BAZ2B: variants seen among roughly 807,000 people sequenced by gnomAD.
BAZ2B encodes bromodomain adjacent to zinc finger domain 2B, also known as bromodomain adjacent to zinc finger domain protein 2B.
In BAZ2B, 91 loss-of-function variants were observed where a neutral mutation model predicts 246.0. The observed-to-expected ratio is 0.37, with a 90% CI of 0.31 to 0.44. The LOEUF is 0.44. BAZ2B is among the 20% of genes least tolerant of loss of function. The pLI, the probability that BAZ2B is intolerant of heterozygous loss-of-function variation, is 1.00. For synonymous variants in BAZ2B, 855 were observed against 860.0 expected, an observed-to-expected ratio of 0.99 and a Z score of 0.10; for missense variants, 2,332 against 2,533.7, an observed-to-expected ratio of 0.92 and a Z score of 1.71.
chr2:159,472,498 C>G (rs2077934166), intron 3 of BAZ2B, among the ~76,000 whole-genome samples: 1 of 152,164 alleles, frequency 6.6e-6, no homozygotes, highest in African/African-American at 2.4e-5. Flanking sequence ...CCTGATGGCC[C>G]TGGCCAGAAC....
At chr2:159,644,495 G>A in the BAZ2B span, among the ~76,000 whole-genome samples, 1 of 152,188 alleles carries the variant, frequency 6.6e-6, no homozygotes, top group Non-Finnish European at 1.5e-5. Context: ...CTAAGAAGCT[G>A]TCTTGCCCCT....
Position 159,382,612 on chromosome 2 carries a change from C to T in BAZ2B, c.3952G>A (p.Glu1318Lys). The T allele has an allele frequency of 1.3e-6, 2 of 1,561,000 alleles. No individual in the cohort carries two copies. The highest frequency in any genetic ancestry group is 1.7e-6 in the Non-Finnish European group (2 of 1,150,402). The change falls in exon 25 of 37, where the codon GAA (glutamate) becomes AAA (lysine). Residue 1318 changes from glutamate to lysine, a missense_variant. This residue lies in a region of BAZ2B where 676 missense variants were observed against 668.6 expected (regional missense o/e 1.01). Transcript: ENST00000392783. The part of the protein sequence containing the change: ...DDQGDEDDED[E>K]EDKEDKKGKK... Reference sequence around the variant, plus strand: ...CCTTTTTTGTCTTCTTTATCTTCTTCATCCTCATCATCTTCATCCCCTTGG... The same window carrying T: ...CCTTTTTTGTCTTCTTTATCTTCTTTATCCTCATCATCTTCATCCCCTTGG...
chr2:159,702,546 T>A, the BAZ2B span, among the ~76,000 whole-genome samples: 1 of 152,212 alleles, frequency 6.6e-6, no homozygotes, highest in Non-Finnish European at 1.5e-5. Context: ...CTAATTTGTA[T>A]TATTATCAGT....
rs78102892 is a variant in BAZ2B, at chr2:159,593,421, C to T, written c.-46+22821G>A. 4.6e-3 allele frequency among the ~76,000 whole-genome samples: 695 copies of T among 152,282 alleles called. 4 individuals are homozygous for T. The highest frequency in any genetic ancestry group is 0.015 in the African/African-American group (642 of 41,552). On this transcript the variant is annotated intron_variant, in intron 1 of 36. Coordinates refer to ENST00000392783, the MANE Select transcript of BAZ2B (RefSeq NM_013450.4). ...TTATGTCCTATCTAGGGCATCATAC[C>T]AAGTTATCTGTCCCTTTCACTATCC...
the BAZ2B span, among the ~76,000 whole-genome samples, chr2:159,679,905 A>C: frequency 1.3e-5 from 2 of 152,258 alleles, no homozygotes; most frequent in Admixed American, 6.5e-5. Flanking sequence ...CTCAATGCTC[A>C]ATGCACAGTT....
chr2:159,677,833 A>G, the BAZ2B span, among the ~76,000 whole-genome samples: 1 of 152,190 alleles, frequency 6.6e-6, no homozygotes, highest in Admixed American at 6.5e-5. Flanking sequence ...CTTTTCTGGG[A>G]ATTAAACTTA....
chr2:159,329,185 A>AT (rs926825221), intron 34 of BAZ2B, among the ~76,000 whole-genome samples: 18 of 151,734 alleles, frequency 1.2e-4, no homozygotes, highest in Non-Finnish European at 2.9e-5. Flanking sequence ...CAACCCCCTC[A>AT]TAACAAAACA....
chr2:159,663,513 G>T, the BAZ2B span, among the ~76,000 whole-genome samples: 1 of 143,156 alleles, frequency 7.0e-6, no homozygotes, highest in Non-Finnish European at 1.5e-5. Context: ...TGTTGCTAAT[G>T]TTTTTTTTTT....
the BAZ2B span, chr2:159,694,918 C>T: frequency 9.2e-5 from 14 of 152,136 alleles, no homozygotes; most frequent in African/African-American, 3.1e-4. Flanking sequence ...AACAGCTGTA[C>T]CATTTTACAT....
chr2:159,459,403 A>G (rs1183906356), intron 3 of BAZ2B: 1 of 152,206 alleles, frequency 6.6e-6, no homozygotes, highest in African/African-American at 2.4e-5. Context: ...AAAATATAAC[A>G]TGTCACTTTG....
intron 27 of BAZ2B, among the ~76,000 whole-genome samples, chr2:159,350,992 G>GCACATGT (rs2058496525): frequency 6.6e-6 from 1 of 152,080 alleles, no homozygotes; most frequent in Non-Finnish European, 1.5e-5. Context: ...CACCAGCATG[G>GCACATGT]CACATGTATA....
At position 159,320,048 on chromosome 2, in the gene BAZ2B, T is replaced by G. The variant is rs575746453; in HGVS notation, c.*217A>C. The G allele has an allele frequency of 2.5e-6, 1 of 392,870 alleles. No homozygotes were observed. The highest frequency in any genetic ancestry group is 2.1e-5 in the African/African-American group (1 of 47,820). 24.3% of individuals were successfully genotyped at this position (392,870 alleles called of 1,614,324 possible). A position where few individuals can be genotyped will look rare whatever the true frequency, so the allele number is the denominator to read the frequency against. ...GTGTGCTTCCCTGTTCTACCTAAATTAGCTGATAAATCACACAAACCAATA... is the reference window on the plus strand; with the variant it reads ...GTGTGCTTCCCTGTTCTACCTAAATGAGCTGATAAATCACACAAACCAATA... On this transcript the variant is annotated 3_prime_UTR_variant, in exon 37 of 37. Coordinates refer to ENST00000392783, the MANE Select transcript of BAZ2B (RefSeq NM_013450.4).
At chr2:159,395,554 A>G in intron 20 of BAZ2B, 1 of 384,422 alleles carries the variant, frequency 2.6e-6, no homozygotes, top group Non-Finnish European at 4.7e-6. Flanking sequence ...GACAATTAAA[A>G]TCTTAGCCAG....
chr2:159,361,156 G>A (rs2059647336), intron 27 of BAZ2B, among the ~76,000 whole-genome samples: 1 of 152,184 alleles, frequency 6.6e-6, no homozygotes, highest in South Asian at 2.1e-4. Flanking sequence ...TCATCAGAGT[G>A]AACAGGCAGC....
At chr2:159,404,588 T>C (rs2065602008) in intron 16 of BAZ2B, 1 of 337,282 alleles carries the variant, frequency 3.0e-6, no homozygotes, top group East Asian at 5.0e-5. Context: ...GTTCAAGATA[T>C]CAACTTATAC....
intron 3 of BAZ2B, among the ~76,000 whole-genome samples, chr2:159,478,348 T>G (rs1161393986): frequency 6.6e-6 from 1 of 152,130 alleles, no homozygotes; most frequent in Non-Finnish European, 1.5e-5. Flanking sequence ...TAAAACAAAT[T>G]AAGATATCAA....
At position 159,382,580 on chromosome 2, in the gene BAZ2B, C is replaced by T. The variant is rs1002601720; in HGVS notation, c.3984G>A (p.Lys1328=). The T allele has an allele frequency of 6.4e-7, 1 of 1,551,282 alleles. No individual in the cohort carries two copies. The change falls in exon 25 of 37, where the codon AAG becomes AAA. Residue 1328 remains lysine (K), a synonymous_variant. Coordinates refer to ENST00000392783, the MANE Select transcript of BAZ2B (RefSeq NM_013450.4). The part of the protein sequence containing the change: ...EEDKEDKKGK[K]TDICEDEDEG... ...TTACCTCATCTTCACAGATATCAGTCTTTTTTCCTTTTTTGTCTTCTTTAT... is the reference window on the plus strand; with the variant it reads ...TTACCTCATCTTCACAGATATCAGTTTTTTTTCCTTTTTTGTCTTCTTTAT...
At position 159,325,914 on chromosome 2, in the gene BAZ2B, C is replaced by G; in HGVS notation, c.5948G>C (p.Ser1983Thr). Residue 1983 changes from serine (S) to threonine (T), a missense_variant, in exon 35 of 37, where the codon AGT (serine) becomes ACT (threonine). Coordinates refer to ENST00000392783, the MANE Select transcript of BAZ2B (RefSeq NM_013450.4). ...TTTTTTGATTTTTAGAGTTTGACCA[C>G]TTGCCTTTAATTTAAAAAAAAAGTA... ...WFCPACIAKA[S>T]GQTLKIKKLH... 6.3e-7 allele frequency: 1 copy of G among 1,578,690 alleles called. No individual in the cohort carries two copies. The highest frequency in any genetic ancestry group is 8.6e-7 in the Non-Finnish European group (1 of 1,169,326).
chr2:159,432,634 T>C, intron 9 of BAZ2B, 123 bp downstream of exon 9: 2 of 1,310,272 alleles, frequency 1.5e-6, no homozygotes, highest in Non-Finnish European at 1.0e-6. Flanking sequence ...ATTATAGAAA[T>C]GCACAAAGTT....
Sources: allele counts gnomAD v4.1 joint callset (sites outside exome capture counted in the v4.1 genomes callset), GRCh38; gene constraint gnomAD v4.1.1; regional missense constraint gnomAD v4.1.1; transcripts MANE v1.5; gene names NCBI Gene and HGNC (gene_info 2026-07-23, HGNC 2026-07-21).